The following MYOM3 variants were observed in gnomAD, a reference collection of about 807,000 sequenced individuals.
The protein encoded by MYOM3 is myomesin 3, also known as myomesin-3.
Under a neutral mutation model 191.7 loss-of-function variants are expected in MYOM3, and 155 were observed. The observed-to-expected ratio is 0.81, with a 90% CI of 0.71 to 0.92. The LOEUF is 0.92. MYOM3 is among the 40% of genes least tolerant of loss of function. MYOM3 has a pLI of 0.00. For missense variants in MYOM3, 1,889 were observed against 1,890.6 expected, an observed-to-expected ratio of 1.00 and a Z score of 0.02; for synonymous variants, 757 against 762.9, an observed-to-expected ratio of 0.99 and a Z score of 0.13.
chr1:24,085,766 A>T (rs1048185744), intron 15 of MYOM3, among the ~76,000 whole-genome samples: 1 of 152,148 alleles, frequency 6.6e-6, no homozygotes, highest in Non-Finnish European at 1.5e-5. Flanking sequence ...TCAAATCCAA[A>T]TGTTAACCAG....
intron 1 of MYOM3, 94 bp from the exon 2 acceptor site, chr1:24,108,748 G>C (rs1236370600): frequency 2.2e-6 from 2 of 890,396 alleles, no homozygotes; most frequent in Non-Finnish European, 3.3e-6. Flanking sequence ...TGGCAGGATG[G>C]GGGGTGGGGG....
rs1299022114 is a variant in MYOM3, at chr1:24,098,003, A to G, written c.665T>C (p.Ile222Thr). Residue 222 changes from isoleucine to threonine, a missense_variant, in exon 7 of 37, where the codon ATT becomes ACT. Ile to Thr is a moderately conservative substitution (Grantham distance 89, BLOSUM62 -1). Transcript: ENST00000374434. ...LLSLEIRRCA[I>T]EDSATYTVRV... is the part of the protein sequence containing the mutation. ...CACAGTGTAAGTTGCTGAGTCCTCA[A>G]TGGCGCATCTGAAAAGGAGAGAGGG... 4 of 1,610,850 alleles carry G rather than the reference A, an allele frequency of 2.5e-6. No homozygotes were observed. The highest frequency in any genetic ancestry group is 2.2e-5 in the East Asian group (1 of 44,864).
In MYOM3 at chr1:24,082,087, G is replaced by A. The variant is rs752362949; in HGVS notation, c.2194C>T (p.Leu732=). 1 of 1,613,054 alleles carries A rather than the reference G, an allele frequency of 6.2e-7. No homozygotes were observed. The highest frequency in any genetic ancestry group is 1.1e-5 in the South Asian group (1 of 90,956). The change falls in exon 18 of 37, where the codon CTG becomes TTG. Residue 732 remains leucine, a synonymous_variant. Coordinates refer to ENST00000374434, the MANE Select transcript of MYOM3 (RefSeq NM_152372.4). ...TCATGCTGGTCCAGGAAGTAGCCCA[G>A]GATCTTGCCACCTCCACGACGCTTG... The part of the protein sequence containing the change: ...PPKRRGGGKI[L]GYFLDQHDSE...
At chr1:24,091,956 C>T (rs2148556083) in intron 11 of MYOM3, among the ~76,000 whole-genome samples, 1 of 152,304 alleles carries the variant, frequency 6.6e-6, no homozygotes, top group East Asian at 1.9e-4. Flanking sequence ...CCGACTCCAG[C>T]ATAGAATTCC....
At chr1:24,075,759 A>G (rs1458346554) in intron 21 of MYOM3, among the ~76,000 whole-genome samples, 1 of 152,156 alleles carries the variant, frequency 6.6e-6, no homozygotes, top group Non-Finnish European at 1.5e-5. Flanking sequence ...TCCTCATGCA[A>G]TAGTTTACTT....
At position 24,056,638 on chromosome 1, in the gene MYOM3, G is replaced by C. The variant is rs1643304634; in HGVS notation, c.*726C>G. 6.6e-6 allele frequency: 1 copy of C among 152,344 alleles called. No individual in the cohort carries two copies. Among genetic ancestry groups the C allele is most frequent in the Admixed American group, 6.6e-5 (1 of 15,266 alleles). The allele number at this position is 152,344 out of a possible 1,614,324, so 9.4% of individuals were successfully genotyped here. A position where few individuals can be genotyped will look rare whatever the true frequency, so the allele number is the denominator to read the frequency against. On this transcript the variant is annotated 3_prime_UTR_variant, in exon 37 of 37. Transcript: ENST00000374434. ...CCCGCCTTGGCCTCCCAAACTACTG[G>C]GATTACAGGCGTGAGCCACCTCGCC... is the stretch of plus-strand genomic sequence containing the variant.
chr1:24,077,011 G>A (rs942394441), intron 20 of MYOM3, among the ~76,000 whole-genome samples: 8 of 151,956 alleles, frequency 5.3e-5, no homozygotes, highest in African/African-American at 1.9e-4. Flanking sequence ...TAGTAGAGGT[G>A]GGGTTTCACC....
rs770066095 is a variant in MYOM3 at position 24,057,425 on chromosome 1, C to T, written c.4253G>A (p.Gly1418Asp). The change falls in exon 37 of 37, where the codon GGC (glycine) becomes GAC (aspartate). Residue 1418 changes from glycine (G) to aspartate (D), a missense_variant. Physicochemically the swap from Gly to Asp is moderately conservative, Grantham distance 94 (BLOSUM62 -1). Transcript: ENST00000374434. ...CTTGAACACACTGATGGTGACCTGG[C>T]CCGTCTCGGAGCCATACTTGTTCTT... ...FVKNKYGSET[G>D]QVTISVFKHG... 1.2e-6 allele frequency: 2 copies of T among 1,614,074 alleles called. No individual in the cohort carries two copies. Among genetic ancestry groups the T allele is most frequent in the Non-Finnish European group, 1.7e-6 (2 of 1,180,064 alleles).
chr1:24,098,083 G>T, intron 6 of MYOM3, 72 bp from the exon 7 acceptor site: 1 of 978,770 alleles, frequency 1.0e-6, no homozygotes, highest in Non-Finnish European at 1.7e-6. Flanking sequence ...CCCCTGTGTG[G>T]GTGGGAAAGG....
At chr1:24,071,067 A>C (rs1570859769) in intron 25 of MYOM3, 50 bp downstream of exon 25, 1 of 1,596,254 alleles carries the variant, frequency 6.3e-7, no homozygotes, top group Non-Finnish European at 8.6e-7. Flanking sequence ...CCGCGAGGCC[A>C]CCTCCCCGGC....
intron 9 of MYOM3, among the ~76,000 whole-genome samples, chr1:24,093,986 AAGGCCTCGCCTGAGACATCCCCAG>A (rs964408761): frequency 2.0e-5 from 3 of 151,980 alleles, no homozygotes; most frequent in Non-Finnish European, 2.9e-5. Context: ...CAGGCTTCTC[AAGGCCTCGCCTGAGACATCCCCAG>A]AGGCCTCCCA....
In MYOM3 at chr1:24,097,747, G is replaced by C. The variant is rs180985150; in HGVS notation, c.745+176C>G. Among the ~76,000 whole-genome samples, 113 of 152,302 alleles carry C rather than the reference G, an allele frequency of 7.4e-4. No individual in the cohort carries two copies. In the East Asian group the frequency reaches 0.02, roughly 28 times the overall value. ...AGGCTGATGGAGGAGACTATCGCTT[G>C]CTGTGAAGGCCCCCAGGGAAGCGGG... On this transcript the variant is annotated intron_variant, in intron 7 of 36. Coordinates refer to ENST00000374434, the MANE Select transcript of MYOM3 (RefSeq NM_152372.4).
chr1:24,085,065 G>C (rs1643718824), intron 15 of MYOM3, among the ~76,000 whole-genome samples: 1 of 152,170 alleles, frequency 6.6e-6, no homozygotes, highest in Non-Finnish European at 1.5e-5. Flanking sequence ...TGGATGGATG[G>C]ATGGTTGGTT....
At chr1:24,061,022 T>C (rs758547440) in intron 35 of MYOM3, 38 bp downstream of exon 35, 1 of 1,612,990 alleles carries the variant, frequency 6.2e-7, no homozygotes, top group Non-Finnish European at 8.5e-7. Flanking sequence ...TTGCCCCAAA[T>C]TCAGAAACAA....
Position 24,111,012 on chromosome 1 carries a change from C to A in MYOM3, c.-19+1019G>T, listed in dbSNP as rs1405691582. ...GCACAGCAGGCAGGGGCCTGGCGCT[C>A]GTCCCTGACCTCGGGGCCTCCAGCA... On this transcript the variant is annotated intron_variant, in intron 1 of 36. Coordinates refer to ENST00000374434, the MANE Select transcript of MYOM3 (RefSeq NM_152372.4). This position sits in a 1 kb window ranked among gnomAD's most constrained non-coding sequence, Gnocchi z 4.7. Among the ~76,000 whole-genome samples, 1 of 152,260 alleles carries A rather than the reference C, an allele frequency of 6.6e-6. No homozygotes were observed. Among genetic ancestry groups the A allele is most frequent in the Non-Finnish European group, 1.5e-5 (1 of 68,040 alleles).
rs1643304047 is a variant in MYOM3, at chr1:24,056,581, C to G, written c.*783G>C. ...ACCGGGTTTCGTCATGTTGGCCAGG[C>G]TGGTCTAAAACTCCTGACCTCAGGT... On this transcript the variant is annotated 3_prime_UTR_variant, in exon 37 of 37. Coordinates refer to ENST00000374434, the MANE Select transcript of MYOM3 (RefSeq NM_152372.4). 1 of 152,234 alleles carries G rather than the reference C, an allele frequency of 6.6e-6. No homozygotes were observed. The highest frequency in any genetic ancestry group is 2.4e-5 in the African/African-American group (1 of 41,426). 9.4% of individuals were successfully genotyped at this position (152,234 alleles called of 1,614,324 possible). A position where few individuals can be genotyped will look rare whatever the true frequency, so the allele number is the denominator to read the frequency against.
At chr1:24,108,352 G>A (rs1052235062) in intron 2 of MYOM3, 124 bp downstream of exon 2, 10 of 1,116,698 alleles carry the variant, frequency 9.0e-6, no homozygotes, top group African/African-American at 3.2e-5. Context: ...AGGGGGTTCA[G>A]AAAGCAGGGA....
At position 24,071,330 on chromosome 1, in the gene MYOM3, C is replaced by T; in HGVS notation, c.3014-77G>A. ...CGCTCCCTTCCAGCCCCACCTTGAG[C>T]ACACCCTTGGCATCTGACATGCAAA... On this transcript the variant is annotated intron_variant, in intron 24 of 36. Coordinates refer to ENST00000374434, the MANE Select transcript of MYOM3 (RefSeq NM_152372.4). The T allele has an allele frequency of 2.0e-6, 3 of 1,514,600 alleles. No individual in the cohort carries two copies. The East Asian group carries it at 7.3e-5, about 37-fold the overall frequency. The allele number at this position is 1,514,600 out of a possible 1,614,324, so 93.8% of individuals were successfully genotyped here. A position where few individuals can be genotyped will look rare whatever the true frequency, so the allele number is the denominator to read the frequency against.
intron 6 of MYOM3, 115 bp downstream of exon 6, chr1:24,099,565 A>T: frequency 1.3e-6 from 1 of 781,160 alleles, no homozygotes; most frequent in Non-Finnish European, 2.2e-6. Context: ...CACCCTAGAG[A>T]CTTCTGAAGG....
Sources: gnomAD v4.1 joint callset for allele counts (sites outside exome capture counted in the v4.1 genomes callset) on GRCh38, gnomAD v4.1.1 for gene constraint, Gnocchi (gnomAD v3.1) non-coding constraint, MANE v1.5 for transcripts, NCBI Gene and HGNC (gene_info 2026-07-23, HGNC 2026-07-21) for gene names.